The following CNTN3 variants were observed in gnomAD, a reference collection of about 807,000 sequenced individuals.
CNTN3 encodes the protein contactin-3.
A neutral mutation model predicts 119.1 loss-of-function variants in CNTN3; 60 were observed. The observed-to-expected ratio is 0.50, with a 90% CI of 0.41 to 0.62. The LOEUF is 0.62. CNTN3 is among the 20% of genes least tolerant of loss of function. The pLI, the probability that CNTN3 is intolerant of heterozygous loss-of-function variation, is 0.00. For synonymous variants in CNTN3, 450 were observed against 438.7 expected (o/e 1.03, Z -0.32); for missense variants, 1,101 against 1,242.4 (o/e 0.89, Z 1.71).
chr3:74,452,761 C>G, intron 4 of CNTN3, among the ~76,000 whole-genome samples: 1 of 150,354 alleles, frequency 6.7e-6, no homozygotes, highest in East Asian at 2.0e-4. Flanking sequence ...TTTTCTGCAT[C>G]TATTGAGATA....
At chr3:74,488,315 G>A (rs531097590) in intron 3 of CNTN3, among the ~76,000 whole-genome samples, 52 of 151,952 alleles carry the variant, frequency 3.4e-4, no homozygotes, top group African/African-American at 8.4e-4. Context: ...GGGTTTCACC[G>A]TGTTAGCCAG....
At chr3:74,305,702 G>A (rs748160875) in intron 13 of CNTN3, among the ~76,000 whole-genome samples, 1 of 151,018 alleles carries the variant, frequency 6.6e-6, no homozygotes, top group Non-Finnish European at 1.5e-5. Context: ...ACCTTTGGAG[G>A]TATGGTAGTT....
chr3:74,601,624 C>T (rs1559675243), intron 1 of CNTN3, among the ~76,000 whole-genome samples: 2 of 152,088 alleles, frequency 1.3e-5, no homozygotes. Context: ...GGTGGTATGA[C>T]AGATTGCATT....
intron 20 of CNTN3, among the ~76,000 whole-genome samples, chr3:74,282,006 T>C (rs959102912): frequency 2.6e-5 from 4 of 152,224 alleles, no homozygotes; most frequent in African/African-American, 7.2e-5. Flanking sequence ...AAATTCTCAA[T>C]GTTTCTTTTT....
At chr3:74,433,010 GT>G (rs1701809910) in intron 4 of CNTN3, among the ~76,000 whole-genome samples, 1 of 152,134 alleles carries the variant, frequency 6.6e-6, no homozygotes, top group African/African-American at 2.4e-5. Context: ...GGGTGACATA[GT>G]TTATGGGGGG....
At chr3:74,285,265 C>T (rs534340965) in intron 20 of CNTN3, 40 bp downstream of exon 20, 1 of 1,545,204 alleles carries the variant, frequency 6.5e-7, no homozygotes, top group Non-Finnish European at 8.7e-7. Context: ...TTAATGCAAA[C>T]TATTTTCCGT....
chr3:74,577,278 T>C lies in CNTN3; in HGVS notation c.-81+37113A>G, dbSNP rs542449471. 2.6e-5 allele frequency among the ~76,000 whole-genome samples: 4 copies of C among 152,290 alleles called. No homozygotes were observed. In the South Asian group the frequency reaches 8.3e-4, roughly 32 times the overall value. ...TGAAGAGATATTTCACTAAAACAGGTCGTTAATCCAAGTGATATCAGCAGT... is the reference window on the plus strand; with the variant it reads ...TGAAGAGATATTTCACTAAAACAGGCCGTTAATCCAAGTGATATCAGCAGT... On this transcript the variant is annotated intron_variant, in intron 1 of 22. Coordinates refer to ENST00000263665, the MANE Select transcript of CNTN3 (RefSeq NM_020872.3).
intron 13 of CNTN3, among the ~76,000 whole-genome samples, chr3:74,304,580 A>G (rs1702523229): frequency 6.6e-6 from 1 of 152,194 alleles, no homozygotes; most frequent in African/African-American, 2.4e-5. Flanking sequence ...ATGTCCTCAC[A>G]TATCTGGATA....
At chr3:74,455,501 G>A (rs7429597) in intron 4 of CNTN3, among the ~76,000 whole-genome samples, 78,164 of 151,958 alleles carry the variant, frequency 0.51, 20,462 homozygotes, top group Non-Finnish European at 0.55. Flanking sequence ...CTCTCGACTC[G>A]TCAAAGTCAT....
chr3:74,313,285 A>C (rs1446876932), intron 13 of CNTN3, among the ~76,000 whole-genome samples: 2 of 152,180 alleles, frequency 1.3e-5, no homozygotes, highest in Non-Finnish European at 2.9e-5. Flanking sequence ...TAAGAGTTTC[A>C]CTCTAATAAT....
chr3:74,585,678 T>C (rs980328542), intron 1 of CNTN3, among the ~76,000 whole-genome samples: 2 of 152,164 alleles, frequency 1.3e-5, no homozygotes, highest in Non-Finnish European at 1.5e-5. Context: ...TTAGGCACAC[T>C]GTAAAATTAA....
rs976314380 is a variant in CNTN3 at position 74,332,955 on chromosome 3, T to C, written c.1668+1780A>G. Reference sequence around the variant, plus strand: ...GAAATTGTTAACTTGTAAGACAGCCTGAGTATGGAGTAGAGAGCTAGCTCA... The same window carrying C: ...GAAATTGTTAACTTGTAAGACAGCCCGAGTATGGAGTAGAGAGCTAGCTCA... On this transcript the variant is annotated intron_variant, in intron 13 of 22. Coordinates refer to ENST00000263665, the MANE Select transcript of CNTN3 (RefSeq NM_020872.3). Among the ~76,000 whole-genome samples, 3 of 152,354 alleles carry C rather than the reference T, an allele frequency of 2.0e-5. No individual in the cohort carries two copies. In the East Asian group the frequency reaches 5.8e-4, roughly 29 times the overall value.
intron 20 of CNTN3, among the ~76,000 whole-genome samples, chr3:74,273,389 C>T (rs1420113999): frequency 6.6e-6 from 1 of 152,124 alleles, no homozygotes; most frequent in Non-Finnish European, 1.5e-5. Flanking sequence ...AGAACAACTG[C>T]AGGAATAAAA....
intron 6 of CNTN3, 76 bp from the exon 7 acceptor site, chr3:74,370,067 T>C: frequency 1.2e-6 from 1 of 810,328 alleles, no homozygotes; most frequent in South Asian, 1.7e-5. Flanking sequence ...AATAAAACTT[T>C]CTTTTGCTCC....
At chr3:74,292,426 C>T (rs895550162) in intron 19 of CNTN3, among the ~76,000 whole-genome samples, 20 of 152,142 alleles carry the variant, frequency 1.3e-4, no homozygotes, top group East Asian at 1.9e-4. Flanking sequence ...GTTAGCTGGG[C>T]GTGGTGGCGT....
chr3:74,332,858 C>T (rs1376332766), intron 13 of CNTN3, among the ~76,000 whole-genome samples: 1 of 152,214 alleles, frequency 6.6e-6, no homozygotes. Flanking sequence ...ATTAGAGAAG[C>T]CTTTCCCAGA....
At chr3:74,415,964 G>A (rs979988656) in intron 5 of CNTN3, among the ~76,000 whole-genome samples, 4 of 152,202 alleles carry the variant, frequency 2.6e-5, no homozygotes, top group Non-Finnish European at 5.9e-5. Context: ...GTTGAAGTCA[G>A]TTGGAATGTG....
chr3:74,323,180 T>C (rs1046744783), intron 13 of CNTN3, among the ~76,000 whole-genome samples: 14 of 152,150 alleles, frequency 9.2e-5, no homozygotes, highest in African/African-American at 2.9e-4. Context: ...TCATAGATTA[T>C]AAAAAATGTG....
At chr3:74,342,748 C>T (rs1249198970) in intron 11 of CNTN3, among the ~76,000 whole-genome samples, 1 of 152,106 alleles carries the variant, frequency 6.6e-6, no homozygotes, top group African/African-American at 2.4e-5. Context: ...AATAGTTTTT[C>T]CTACTAAAAT....
Sources: allele counts gnomAD v4.1 joint callset (sites outside exome capture counted in the v4.1 genomes callset), GRCh38; gene constraint gnomAD v4.1.1; transcripts MANE v1.5; gene names NCBI Gene and HGNC (gene_info 2026-07-23, HGNC 2026-07-21).